The following MCC variants were observed in gnomAD, a reference collection of about 807,000 sequenced individuals.
MCC encodes MCC regulator of Wnt signaling pathway, also known as colorectal mutant cancer protein.
A neutral mutation model predicts 116.2 loss-of-function variants in MCC; 90 were observed. The observed-to-expected ratio is 0.77, with a 90% confidence interval of 0.65 to 0.92. MCC has a LOEUF of 0.92. Among genes scored for constraint, MCC ranks in the 40% least tolerant of loss-of-function variants. MCC has a pLI of 0.00. For missense variants in MCC, 1,516 were observed against 1,312.2 expected, an observed-to-expected ratio of 1.16 and a Z score of -2.40; for synonymous variants, 578 against 510.5, an observed-to-expected ratio of 1.13 and a Z score of -1.78.
intron 1 of MCC, among the ~76,000 whole-genome samples, chr5:113,405,405 T>C (rs1394654850): frequency 1.3e-5 from 2 of 152,210 alleles, no homozygotes; most frequent in Non-Finnish European, 2.9e-5. Context: ...TTGGAGAGAA[T>C]TTGAATTCTT....
chr5:113,141,550 C>G (rs1279410948), intron 5 of MCC, among the ~76,000 whole-genome samples: 1 of 152,192 alleles, frequency 6.6e-6, no homozygotes, highest in African/African-American at 2.4e-5. Context: ...ATGCCTAAGC[C>G]TCAGGAGCTC....
chr5:113,457,153 G>A (rs765534548), intron 1 of MCC, among the ~76,000 whole-genome samples: 1 of 152,226 alleles, frequency 6.6e-6, no homozygotes, highest in Non-Finnish European at 1.5e-5. Context: ...AGGGAGAGGC[G>A]GGAGCGGGAA....
chr5:113,248,569 G>A (rs2150342480), intron 3 of MCC, among the ~76,000 whole-genome samples: 1 of 152,282 alleles, frequency 6.6e-6, no homozygotes, highest in East Asian at 1.9e-4. Flanking sequence ...TGTATATGAA[G>A]AGTATATGAA....
At chr5:113,294,862 A>C (rs1766660645) in intron 3 of MCC, 1 of 985,754 alleles carries the variant, frequency 1.0e-6, no homozygotes, top group African/African-American at 1.7e-5. Flanking sequence ...ATTCCAGAGA[A>C]GGAAAGAAAG....
chr5:113,118,708 A>G lies in MCC; in HGVS notation c.1027+3976T>C, dbSNP rs754797801. 3.7e-4 allele frequency among the ~76,000 whole-genome samples: 57 copies of G among 152,246 alleles called. 1 individual carries two copies. The highest frequency in any genetic ancestry group is 1.5e-5 in the Non-Finnish European group (1 of 68,042). On this transcript the variant is annotated intron_variant, in intron 6 of 18. Transcript: ENST00000408903. ...GGCTACTTTTAAATGATTTCCTATAATGGTGCTTACATATGGAAGCTTTTT... is the reference window on the plus strand; with the variant it reads ...GGCTACTTTTAAATGATTTCCTATAGTGGTGCTTACATATGGAAGCTTTTT...
chr5:113,353,661 T>C (rs1247791810), intron 2 of MCC, among the ~76,000 whole-genome samples: 1 of 152,158 alleles, frequency 6.6e-6, no homozygotes, highest in African/African-American at 2.4e-5. Flanking sequence ...GGGTCACCCG[T>C]AGGATTCTAA....
intron 3 of MCC, among the ~76,000 whole-genome samples, chr5:113,285,551 G>A (rs2150358870): frequency 6.6e-6 from 1 of 152,062 alleles, no homozygotes; most frequent in South Asian, 2.1e-4. Flanking sequence ...TGCCACTCCT[G>A]AAGCATAGCA....
intron 3 of MCC, among the ~76,000 whole-genome samples, chr5:113,232,254 G>C (rs79377449): frequency 1.3e-5 from 2 of 152,120 alleles, no homozygotes; most frequent in African/African-American, 4.8e-5. Context: ...TTTCAGATTT[G>C]CATTTCTGCT....
chr5:113,433,730 A>G, intron 1 of MCC: 1 of 1,607,602 alleles, frequency 6.2e-7, no homozygotes, highest in Non-Finnish European at 8.5e-7. Flanking sequence ...CTGGGCCGCA[A>G]GAAGCTCACT....
chr5:113,415,387 G>T (rs563588637), intron 1 of MCC, among the ~76,000 whole-genome samples: 1 of 152,106 alleles, frequency 6.6e-6, no homozygotes, highest in Non-Finnish European at 1.5e-5. Context: ...CATTCTCCTC[G>T]TCACTTTCAG....
intron 8 of MCC, among the ~76,000 whole-genome samples, chr5:113,098,911 CTG>C (rs1756218928): frequency 6.6e-6 from 1 of 152,184 alleles, no homozygotes; most frequent in Admixed American, 6.5e-5. Context: ...GTACTCTGTA[CTG>C]TCACAGGGTA....
chr5:113,160,732 G>A (rs1404062037), intron 3 of MCC, among the ~76,000 whole-genome samples: 1 of 152,194 alleles, frequency 6.6e-6, no homozygotes, highest in Non-Finnish European at 1.5e-5. Context: ...AATTAGCATG[G>A]GGGATAGACA....
chr5:113,266,988 C>T (rs764099576), intron 3 of MCC, among the ~76,000 whole-genome samples: 12 of 152,098 alleles, frequency 7.9e-5, no homozygotes, highest in East Asian at 3.8e-4. Flanking sequence ...CATGTGGCCT[C>T]GGGCAAATAA....
chr5:113,127,067 T>G (rs778745088), intron 5 of MCC, among the ~76,000 whole-genome samples: 6 of 152,194 alleles, frequency 3.9e-5, no homozygotes, highest in Non-Finnish European at 8.8e-5. Flanking sequence ...TTCCCCTCTT[T>G]GTGTCCATTT....
intron 3 of MCC, among the ~76,000 whole-genome samples, chr5:113,277,976 C>T (rs963256236): frequency 2.0e-5 from 3 of 152,158 alleles, no homozygotes; most frequent in Admixed American, 1.3e-4. Context: ...CTCATCATTC[C>T]TCACGAACTG....
chr5:113,279,840 G>C (rs1342457529), intron 3 of MCC, among the ~76,000 whole-genome samples: 1 of 152,108 alleles, frequency 6.6e-6, no homozygotes, highest in Non-Finnish European at 1.5e-5. Context: ...TTGTATTAAA[G>C]GCAATATGTT....
intron 3 of MCC, among the ~76,000 whole-genome samples, chr5:113,255,243 T>C (rs528903837): frequency 2.0e-5 from 3 of 152,332 alleles, no homozygotes; most frequent in South Asian, 4.1e-4. Context: ...AGAGCCGACA[T>C]GTGAGCCAAA....
chr5:113,345,350 G>A (rs761621552), intron 2 of MCC, among the ~76,000 whole-genome samples: 1 of 152,192 alleles, frequency 6.6e-6, no homozygotes, highest in Non-Finnish European at 1.5e-5. Context: ...TGCCCTGCAG[G>A]TGAGCACATA....
intron 16 of MCC, chr5:113,048,770 T>G (rs1037710308): frequency 6.4e-6 from 3 of 467,114 alleles, no homozygotes; most frequent in Non-Finnish European, 3.8e-6. Context: ...AACCAACAAA[T>G]GAGGGCTGCC....
Sources: gnomAD v4.1 joint callset for allele counts (sites outside exome capture counted in the v4.1 genomes callset) on GRCh38, gnomAD v4.1.1 for gene constraint, MANE v1.5 for transcripts, NCBI Gene and HGNC (gene_info 2026-07-23, HGNC 2026-07-21) for gene names.